The following GSS variants were observed in gnomAD, a reference collection of about 807,000 sequenced individuals.
The protein encoded by GSS is glutathione synthetase.
A neutral mutation model predicts 60.4 loss-of-function variants in GSS; 34 were observed. The ratio of observed to expected loss-of-function variants is 0.56; its 90% CI spans 0.43 to 0.75. The LOEUF is 0.75. Among genes scored for constraint, GSS ranks in the 30% least tolerant of loss-of-function variants. The pLI, the probability that GSS is intolerant of heterozygous loss-of-function variation, is 0.00. For missense variants in GSS, 499 were observed against 595.1 expected, an observed-to-expected ratio of 0.84 and a Z score of 1.68; for synonymous variants, 224 against 239.0, an observed-to-expected ratio of 0.94 and a Z score of 0.58.
At chr20:34,953,999 C>G (rs1045928440) in intron 1 of GSS, among the ~76,000 whole-genome samples, 1 of 152,164 alleles carries the variant, frequency 6.6e-6, no homozygotes, top group African/African-American at 2.4e-5. Flanking sequence ...TACATGAGAC[C>G]ATTTTTTGGC....
chr20:34,937,989 C>A (rs1569012253), intron 6 of GSS, among the ~76,000 whole-genome samples: 3 of 152,196 alleles, frequency 2.0e-5, no homozygotes, highest in Admixed American at 1.3e-4. Context: ...TCCCGGGTAG[C>A]TGGGATTTCA....
At chr20:34,943,310 A>C (rs971730153) in intron 3 of GSS, among the ~76,000 whole-genome samples, 7 of 152,238 alleles carry the variant, frequency 4.6e-5, no homozygotes, top group Non-Finnish European at 8.8e-5. Context: ...GTAAAAAGCC[A>C]ATAAGATATT....
Position 34,951,810 on chromosome 20 carries a change from G to T in GSS, c.43C>A (p.Leu15Ile). 6.2e-7 allele frequency: 1 copy of T among 1,614,178 alleles called. No individual in the cohort carries two copies. The highest frequency in any genetic ancestry group is 8.5e-7 in the Non-Finnish European group (1 of 1,180,002). The stretch of plus-strand genomic sequence containing the variant: ...ACGGCCTGCCGTGCCAGCTCCTCTA[G>T]CTGCTGTTTATCCTGCAAGAGGCTC... Reference protein sequence around the residue: ...WGSLLQDKQQLEELARQAVDR... With the variant: ...WGSLLQDKQQIEELARQAVDR... Residue 15 changes from leucine to isoleucine, a missense_variant, in exon 2 of 13, where the codon CTA becomes ATA. Transcript: ENST00000651619.
intron 2 of GSS, among the ~76,000 whole-genome samples, chr20:34,950,958 GT>G (rs1440228255): frequency 6.6e-6 from 1 of 151,976 alleles, no homozygotes; most frequent in Non-Finnish European, 1.5e-5. Flanking sequence ...TAAGGATGAG[GT>G]TTTAAAAAGG....
chr20:34,929,266 TAAAG>T (rs2147119966), intron 12 of GSS, 131 bp downstream of exon 12: 1 of 827,542 alleles, frequency 1.2e-6, no homozygotes, highest in East Asian at 2.5e-5. Flanking sequence ...AAACAGGTAA[TAAAG>T]CTAGTGATTG....
chr20:34,936,363 G>T (rs2081440761), intron 8 of GSS, among the ~76,000 whole-genome samples: 1 of 152,170 alleles, frequency 6.6e-6, no homozygotes, highest in African/African-American at 2.4e-5. Flanking sequence ...AAAGGATAAG[G>T]CTTGGCTTGG....
chr20:34,945,928 C>G (rs773690711), intron 3 of GSS, 25 bp downstream of exon 3: 9 of 1,613,004 alleles, frequency 5.6e-6, no homozygotes, highest in South Asian at 5.5e-5. Context: ...AGCTCCTGGC[C>G]CCCCAATGCT....
chr20:34,934,915 G>C (rs150061604), intron 9 of GSS, among the ~76,000 whole-genome samples: 2 of 152,314 alleles, frequency 1.3e-5, no homozygotes, highest in East Asian at 1.9e-4. Context: ...TCCCAGCTGA[G>C]AGCAGAGCTT....
chr20:34,940,930 T>C (rs1292563748), intron 6 of GSS, among the ~76,000 whole-genome samples: 1 of 152,186 alleles, frequency 6.6e-6, no homozygotes, highest in African/African-American at 2.4e-5. Context: ...TCTGGATCAT[T>C]TGTTTTCCCA....
chr20:34,951,043 C>A (rs1471634464), intron 2 of GSS, among the ~76,000 whole-genome samples: 1 of 152,028 alleles, frequency 6.6e-6, no homozygotes, highest in Non-Finnish European at 1.5e-5. Flanking sequence ...CCCCAACAGA[C>A]ATATGCATGG....
At chr20:34,946,456 G>A (rs2081523977) in intron 2 of GSS, among the ~76,000 whole-genome samples, 1 of 152,218 alleles carries the variant, frequency 6.6e-6, no homozygotes, top group South Asian at 2.1e-4. Context: ...ACACTTAACA[G>A]AGACGGGACC....
chr20:34,936,046 T>A (rs911817063), intron 8 of GSS, among the ~76,000 whole-genome samples: 4 of 152,128 alleles, frequency 2.6e-5, no homozygotes, highest in Admixed American at 1.3e-4. Context: ...AATGAAAAAA[T>A]TTTTAATGGC....
chr20:34,930,847 T>C (rs1477189912), intron 11 of GSS, among the ~76,000 whole-genome samples: 1 of 152,146 alleles, frequency 6.6e-6, no homozygotes, highest in East Asian at 1.9e-4. Flanking sequence ...AGTTTCTCAT[T>C]AACCTCCAAA....
At chr20:34,941,955 C>A in intron 5 of GSS, 126 bp from the exon 6 acceptor site, 1 of 743,988 alleles carries the variant, frequency 1.3e-6, no homozygotes. Context: ...CCTCCCATCA[C>A]ATTCCTGTAA....
In GSS at chr20:34,936,926, C is replaced by T. The variant is rs79680633; in HGVS notation, c.689+17G>A. The T allele has an allele frequency of 4.2e-5, 67 of 1,609,266 alleles. No individual in the cohort carries two copies. The African/African-American group carries it at 7.7e-4, about 19-fold the overall frequency. Reference sequence around the variant, plus strand: ...AATCCTGGAGCCACACCTAGAAGTCCCCCTTCCTTTACTTACCTGGCCAGT... The same window carrying T: ...AATCCTGGAGCCACACCTAGAAGTCTCCCTTCCTTTACTTACCTGGCCAGT... On this transcript the variant is annotated intron_variant, in intron 7 of 12. Transcript: ENST00000651619.
At chr20:34,943,144 G>C in intron 3 of GSS, 138 bp from the exon 4 acceptor site, 2 of 716,478 alleles carry the variant, frequency 2.8e-6, no homozygotes, top group Non-Finnish European at 5.2e-6. Flanking sequence ...ATGTGGTAGA[G>C]AACAGTGGCT....
At chr20:34,952,077 CTCTTTTGAT>C (rs2081573959) in intron 1 of GSS, 1 of 597,744 alleles carries the variant, frequency 1.7e-6, no homozygotes, top group Non-Finnish European at 3.0e-6. Flanking sequence ...TTGCCACTCT[CTCTTTTGAT>C]TCCCAACACA....
rs766480337 is a variant in GSS, at chr20:34,951,751, C to T, written c.102G>A (p.Arg34=). 6.2e-7 allele frequency: 1 copy of T among 1,611,814 alleles called. No individual in the cohort carries two copies. Among genetic ancestry groups the T allele is most frequent in the Non-Finnish European group, 8.5e-7 (1 of 1,178,818 alleles). ...DRALAEGVLL[R]TSQEPTSSEV... is the part of the protein sequence containing the mutation. ...CCGAGGAAGTGGGCTCCTGTGAGGT[C>T]CTCAGCAATACTCCCTCAGCCAGGG... Residue 34 remains arginine, a synonymous_variant, in exon 2 of 13, where the codon AGG becomes AGA. Coordinates refer to ENST00000651619, the MANE Select transcript of GSS (RefSeq NM_000178.4).
intron 6 of GSS, among the ~76,000 whole-genome samples, chr20:34,937,651 G>A (rs1365625000): frequency 1.3e-5 from 2 of 152,058 alleles, no homozygotes; most frequent in East Asian, 3.8e-4. Context: ...GATCACTAGG[G>A]CTTATGTGGC....
Sources: gnomAD v4.1 joint callset for allele counts (sites outside exome capture counted in the v4.1 genomes callset) on GRCh38, gnomAD v4.1.1 for gene constraint, MANE v1.5 for transcripts, NCBI Gene and HGNC (gene_info 2026-07-23, HGNC 2026-07-21) for gene names.